ATG7: variants seen among roughly 807,000 people sequenced by gnomAD.
ATG7 encodes the protein autophagy related 7.
A neutral mutation model predicts 82.4 loss-of-function variants in ATG7; 70 were observed. The observed-to-expected ratio is 0.85, with a 90% CI of 0.70 to 1.04. ATG7 has a LOEUF of 1.04. ATG7 is among the 50% of genes least tolerant of loss of function. The pLI is 0.00. For missense variants in ATG7, 792 were observed against 864.3 expected (o/e 0.92, Z 1.05); for synonymous variants, 287 against 313.0 (o/e 0.92, Z 0.88).
intron 20 of ATG7, among the ~76,000 whole-genome samples, chr3:11,548,688 G>A (rs1212119050): frequency 2.0e-5 from 3 of 152,152 alleles, no homozygotes; most frequent in Non-Finnish European, 4.4e-5. Flanking sequence ...CTGAGCCCCC[G>A]TATCAGCCGA....
At chr3:11,294,017 CAAAA>C (rs148344958) in intron 3 of ATG7, among the ~76,000 whole-genome samples, 5 of 98,448 alleles carry the variant, frequency 5.1e-5, no homozygotes, top group Non-Finnish European at 6.1e-5. Context: ...GACTCCGTCT[CAAAA>C]AAAAAAAAAA....
In ATG7 at chr3:11,554,980, T is replaced by C; in HGVS notation, c.*137T>C. 8.7e-7 allele frequency: 1 copy of C among 1,144,736 alleles called. No individual in the cohort carries two copies. Among genetic ancestry groups the C allele is most frequent in the Non-Finnish European group, 1.2e-6 (1 of 824,660 alleles). 70.9% of individuals were successfully genotyped at this position (1,144,736 alleles called of 1,614,324 possible). ...CCCCGAGGTCTGGGATTCCCCCCTCTGCTGCCCAGGAGTGGCCAGTGTTCG... is the reference window on the plus strand; with the variant it reads ...CCCCGAGGTCTGGGATTCCCCCCTCCGCTGCCCAGGAGTGGCCAGTGTTCG... On this transcript the variant is annotated 3_prime_UTR_variant, in exon 21 of 21. Coordinates refer to ENST00000693202, the MANE Select transcript of ATG7 (RefSeq NM_001349232.2).
At chr3:11,447,442 G>A (rs1250348261) in intron 20 of ATG7, among the ~76,000 whole-genome samples, 2 of 151,532 alleles carry the variant, frequency 1.3e-5, no homozygotes, top group African/African-American at 2.4e-5. Context: ...ACTCCAGCCC[G>A]GGCAACAGTG....
At chr3:11,411,388 G>A (rs2080876756) in intron 19 of ATG7, among the ~76,000 whole-genome samples, 1 of 152,062 alleles carries the variant, frequency 6.6e-6, no homozygotes, top group Non-Finnish European at 1.5e-5. Flanking sequence ...CACTTTGGGA[G>A]CCCAAGGTGG....
At chr3:11,340,607 C>A (rs745327489) in intron 11 of ATG7, 38 bp from the exon 12 acceptor site, 2 of 1,561,646 alleles carry the variant, frequency 1.3e-6, no homozygotes, top group South Asian at 2.2e-5. Flanking sequence ...TTTTATTCTT[C>A]CCTCCTTCAT....
At chr3:11,547,022 G>A (rs550147552) in intron 20 of ATG7, among the ~76,000 whole-genome samples, 2 of 152,376 alleles carry the variant, frequency 1.3e-5, no homozygotes, top group South Asian at 4.1e-4. Flanking sequence ...GGCTGCCCAG[G>A]TTTATTCATG....
intron 18 of ATG7, among the ~76,000 whole-genome samples, chr3:11,368,286 T>C (rs983708692): frequency 6.6e-6 from 1 of 151,814 alleles, no homozygotes; most frequent in Non-Finnish European, 1.5e-5. Flanking sequence ...ACACTGCTTT[T>C]TCCCTCCCGG....
At chr3:11,378,592 G>A (rs548188445) in intron 18 of ATG7, among the ~76,000 whole-genome samples, 119 of 143,716 alleles carry the variant, frequency 8.3e-4, no homozygotes, top group Non-Finnish European at 1.4e-3. Context: ...GGCTGAGGCA[G>A]GAGAATCACT....
At chr3:11,393,637 TG>T (rs2078989264) in intron 19 of ATG7, among the ~76,000 whole-genome samples, 1 of 152,222 alleles carries the variant, frequency 6.6e-6, no homozygotes, top group Admixed American at 6.5e-5. Flanking sequence ...TGGCTCACCA[TG>T]GGGCAGAGAA....
chr3:11,332,361 T>C (rs1951776191), intron 10 of ATG7, among the ~76,000 whole-genome samples: 1 of 152,266 alleles, frequency 6.6e-6, no homozygotes, highest in Non-Finnish European at 1.5e-5. Context: ...TAGTTGTTAC[T>C]TTTGAAGGCA....
intron 20 of ATG7, among the ~76,000 whole-genome samples, chr3:11,511,684 C>T (rs2092066891): frequency 6.6e-6 from 1 of 152,196 alleles, no homozygotes; most frequent in South Asian, 2.1e-4. Flanking sequence ...GCACAGGAGC[C>T]CATGGCGGGG....
intron 20 of ATG7, among the ~76,000 whole-genome samples, chr3:11,511,894 G>A (rs781196039): frequency 2.0e-5 from 3 of 152,266 alleles, no homozygotes; most frequent in Admixed American, 6.5e-5. Context: ...CTCCGAATGC[G>A]GGGCCCACCA....
intron 3 of ATG7, among the ~76,000 whole-genome samples, chr3:11,297,250 C>T (rs1352685673): frequency 3.9e-5 from 6 of 152,034 alleles, no homozygotes; most frequent in South Asian, 2.1e-4. Context: ...CTCAGCCACT[C>T]GGGAGGCTGA....
intron 19 of ATG7, among the ~76,000 whole-genome samples, chr3:11,391,674 C>T (rs777405885): frequency 6.6e-6 from 1 of 152,184 alleles, no homozygotes; most frequent in Non-Finnish European, 1.5e-5. Context: ...GAAGCCAGTG[C>T]AACATGGGCA....
At chr3:11,393,023 C>T (rs1471294354) in intron 19 of ATG7, among the ~76,000 whole-genome samples, 1 of 152,174 alleles carries the variant, frequency 6.6e-6, no homozygotes, top group African/African-American at 2.4e-5. Flanking sequence ...TAGGTAGAAA[C>T]AGATGCAGAA....
At chr3:11,424,009 C>T (rs909919521) in intron 19 of ATG7, among the ~76,000 whole-genome samples, 1 of 152,170 alleles carries the variant, frequency 6.6e-6, no homozygotes, top group Non-Finnish European at 1.5e-5. Flanking sequence ...TCAGGGTCAC[C>T]ACTCTTCTCA....
intron 20 of ATG7, among the ~76,000 whole-genome samples, chr3:11,552,640 T>A (rs961476617): frequency 6.6e-6 from 1 of 152,178 alleles, no homozygotes; most frequent in African/African-American, 2.4e-5. Flanking sequence ...AGATTCGCTC[T>A]GGAAAATCCC....
intron 19 of ATG7, among the ~76,000 whole-genome samples, chr3:11,414,000 T>A (rs866520972): frequency 1.3e-5 from 2 of 151,982 alleles, no homozygotes; most frequent in Non-Finnish European, 2.9e-5. Flanking sequence ...TAGGTTATGG[T>A]ATTAGGTTTG....
chr3:11,332,971 G>A lies in ATG7; in HGVS notation c.768-1G>A, dbSNP rs1205912074. 6 of 1,506,792 alleles carry A rather than the reference G, an allele frequency of 4.0e-6. No homozygotes were observed. The Admixed American group carries it at 1.1e-4, about 29-fold the overall frequency. 93.3% of individuals were successfully genotyped at this position (1,506,792 alleles called of 1,614,324 possible). On this transcript the variant is annotated splice_acceptor_variant, in intron 10 of 20. Transcript: ENST00000693202. LOFTEE classifies it high-confidence loss of function. ...AAATAAAAATCCGGGCATGACAACA[G>A]GAGTAGCAGTTTCCAGTCTGTTGAA... is the stretch of plus-strand genomic sequence containing the variant.
Sources: gnomAD v4.1 joint callset for allele counts (sites outside exome capture counted in the v4.1 genomes callset) on GRCh38, gnomAD v4.1.1 for gene constraint, MANE v1.5 for transcripts, NCBI Gene and HGNC (gene_info 2026-07-23, HGNC 2026-07-21) for gene names.